Variants in MERTK observed in about 807,000 individuals in gnomAD.
MERTK encodes MER proto-oncogene, tyrosine kinase.
MERTK carries 69 observed loss-of-function variants against 99.3 expected under a neutral mutation model. The ratio of observed to expected loss-of-function variants is 0.70; its 90% confidence interval spans 0.57 to 0.85. The LOEUF is 0.85. MERTK is among the 40% of genes least tolerant of loss of function. The pLI, the probability that MERTK is intolerant of heterozygous loss-of-function variation, is 0.00. For missense variants in MERTK, 1,125 were observed against 1,249.4 expected (o/e 0.90, Z 1.50); for synonymous variants, 426 against 467.6 (o/e 0.91, Z 1.15).
At chr2:111,931,501 C>T (rs1015574604) in intron 2 of MERTK, among the ~76,000 whole-genome samples, 6 of 152,104 alleles carry the variant, frequency 3.9e-5, no homozygotes, top group African/African-American at 1.2e-4. Flanking sequence ...TCCTGGCCAA[C>T]GTAGTGAAAC....
chr2:111,920,997 A>G (rs1684446922), intron 1 of MERTK, among the ~76,000 whole-genome samples: 1 of 152,066 alleles, frequency 6.6e-6, no homozygotes, highest in African/African-American at 2.4e-5. Context: ...TATTGCATAA[A>G]TAGTACTAAG....
chr2:111,941,096 G>A (rs1684858524), intron 2 of MERTK: 4 of 392,692 alleles, frequency 1.0e-5, no homozygotes, highest in African/African-American at 2.1e-5. Context: ...GAGCTTATCC[G>A]TCACTAACTT....
intron 15 of MERTK, among the ~76,000 whole-genome samples, chr2:112,010,693 G>A (rs1677081237): frequency 6.6e-6 from 1 of 152,234 alleles, no homozygotes; most frequent in South Asian, 2.1e-4. Flanking sequence ...TAGCGTTAAG[G>A]AATCATAGCC....
intron 1 of MERTK, among the ~76,000 whole-genome samples, chr2:111,917,075 G>A (rs1020628419): frequency 2.0e-5 from 3 of 152,164 alleles, no homozygotes; most frequent in African/African-American, 7.2e-5. Flanking sequence ...ACTAGAGTAG[G>A]GGGAAGGATG....
chr2:111,970,789 TCCTCCTCCTCCCC>T (rs1558791467), intron 6 of MERTK, among the ~76,000 whole-genome samples: 83 of 12,870 alleles, frequency 6.4e-3, no homozygotes, highest in Non-Finnish European at 0.011. Flanking sequence ...TCCTCCTCCC[TCCTCCTCCTCCCC>T]CCTCCTCCTC....
intron 8 of MERTK, among the ~76,000 whole-genome samples, chr2:111,991,854 A>G (rs928514221): frequency 1.2e-4 from 19 of 152,168 alleles, no homozygotes; most frequent in Non-Finnish European, 2.4e-4. Context: ...AACAACAAGC[A>G]TATCTTTTGT....
chr2:111,920,941 C>G (rs1481436937), intron 1 of MERTK, among the ~76,000 whole-genome samples: 1 of 152,218 alleles, frequency 6.6e-6, no homozygotes, highest in Non-Finnish European at 1.5e-5. Context: ...CAGGCGTGAG[C>G]CACTGCGACT....
intron 1 of MERTK, among the ~76,000 whole-genome samples, chr2:111,927,936 A>C (rs894216109): frequency 2.6e-5 from 4 of 151,846 alleles, no homozygotes; most frequent in African/African-American, 7.3e-5. Flanking sequence ...TGTCTCACTC[A>C]CTCCCTCCCA....
chr2:111,974,789 A>AG (rs1553453655), intron 6 of MERTK, among the ~76,000 whole-genome samples: 9 of 141,018 alleles, frequency 6.4e-5, no homozygotes, highest in South Asian at 4.5e-4. Flanking sequence ...AAAAAAAAAA[A>AG]AAAGAAAGAA....
At chr2:111,956,462 A>G (rs1433231981) in intron 4 of MERTK, among the ~76,000 whole-genome samples, 1 of 152,152 alleles carries the variant, frequency 6.6e-6, no homozygotes, top group Non-Finnish European at 1.5e-5. Flanking sequence ...AAAAATACAC[A>G]TTTTATATTT....
intron 13 of MERTK, among the ~76,000 whole-genome samples, chr2:112,007,045 C>A (rs1676994335): frequency 6.6e-6 from 1 of 152,106 alleles, no homozygotes; most frequent in South Asian, 2.1e-4. Context: ...GCAACATATA[C>A]ATAATATAAA....
chr2:111,919,672 G>A (rs1684417519), intron 1 of MERTK, among the ~76,000 whole-genome samples: 1 of 151,950 alleles, frequency 6.6e-6, no homozygotes, highest in Non-Finnish European at 1.5e-5. Context: ...AGGCTGAAAG[G>A]GATGATGAGA....
At chr2:112,007,798 A>G (rs1215962105) in intron 13 of MERTK, among the ~76,000 whole-genome samples, 1 of 152,162 alleles carries the variant, frequency 6.6e-6, no homozygotes, top group Non-Finnish European at 1.5e-5. Context: ...TTTTTTAAAA[A>G]AAGCAAATAT....
chr2:111,900,892 G>A (rs72823475), intron 1 of MERTK, among the ~76,000 whole-genome samples: 5,228 of 152,288 alleles, frequency 0.034, 111 homozygotes, highest in Non-Finnish European at 0.053. Flanking sequence ...CACATTGTGG[G>A]TCTGAGTGCT....
chr2:112,010,578 T>C (rs548505144), intron 15 of MERTK, among the ~76,000 whole-genome samples: 2 of 152,270 alleles, frequency 1.3e-5, no homozygotes, highest in East Asian at 3.9e-4. Context: ...CCTGGGAATG[T>C]TGGATGTAGC....
At chr2:111,939,579 T>G (rs1281813056) in intron 2 of MERTK, among the ~76,000 whole-genome samples, 2 of 151,364 alleles carry the variant, frequency 1.3e-5, no homozygotes, top group East Asian at 3.9e-4. Flanking sequence ...TTCTTGGGCT[T>G]AAACAATCCT....
At chr2:111,936,966 C>G (rs914628842) in intron 2 of MERTK, among the ~76,000 whole-genome samples, 1 of 152,098 alleles carries the variant, frequency 6.6e-6, no homozygotes, top group Non-Finnish European at 1.5e-5. Flanking sequence ...AGCCACCAGA[C>G]CAGACGACAG....
intron 1 of MERTK, among the ~76,000 whole-genome samples, chr2:111,924,328 AGCAGCCT>A (rs1368422520): frequency 6.6e-6 from 1 of 152,200 alleles, no homozygotes; most frequent in Non-Finnish European, 1.5e-5. Context: ...ACTGAGCCTG[AGCAGCCT>A]CGAGCCACCA....
At chr2:111,921,450 A>C (rs1684457460) in intron 1 of MERTK, among the ~76,000 whole-genome samples, 2 of 151,510 alleles carry the variant, frequency 1.3e-5, no homozygotes, top group African/African-American at 2.4e-5. Context: ...CAGTGAGCTG[A>C]GATCACACCA....
Sources: gnomAD v4.1 joint callset for allele counts (sites outside exome capture counted in the v4.1 genomes callset) on GRCh38, gnomAD v4.1.1 for gene constraint, MANE v1.5 for transcripts, NCBI Gene and HGNC (gene_info 2026-07-23, HGNC 2026-07-21) for gene names.